CHL1: variants seen among roughly 807,000 people sequenced by gnomAD.
CHL1 encodes neural cell adhesion molecule L1-like protein.
A neutral mutation model predicts 141.9 loss-of-function variants in CHL1; 96 were observed. That is an observed-to-expected ratio of 0.68 (90% CI 0.57 to 0.80). CHL1 has a LOEUF of 0.80. Among genes scored for constraint, CHL1 ranks in the 30% least tolerant of loss-of-function variants. The probability of loss-of-function intolerance (pLI) is 0.00; values close to 1 mark genes in which losing one functional copy is unlikely to be tolerated. For missense variants in CHL1, 1,820 were observed against 1,457.2 expected (o/e 1.25, Z -4.05); for synonymous variants, 613 against 502.2 (o/e 1.22, Z -2.95).
At chr3:256,121 G>GAAGTAAGGAGGTTACATATTCTAAGCA (rs1694137754) in intron 2 of CHL1, among the ~76,000 whole-genome samples, 1 of 152,302 alleles carries the variant, frequency 6.6e-6, no homozygotes, top group South Asian at 2.1e-4. Context: ...TATTCTAAGC[G>GAAGTAAGGAGGTTACATATTCTAAGCA]AAGTAAGGAG....
At chr3:204,811 AT>A (rs201661618) in intron 1 of CHL1, among the ~76,000 whole-genome samples, 1 of 146,740 alleles carries the variant, frequency 6.8e-6, no homozygotes, top group Non-Finnish European at 1.5e-5. Flanking sequence ...TTAAAAAAAA[AT>A]CATAATGTCT....
At chr3:225,805 T>C (rs374325890) in intron 1 of CHL1, among the ~76,000 whole-genome samples, 151 of 152,080 alleles carry the variant, frequency 9.9e-4, no homozygotes, top group Middle Eastern at 6.8e-3. Context: ...GTCAGGAGAT[T>C]GAGGCCATCC....
At chr3:198,173 G>GTTTTTTAAT in intron 1 of CHL1, 1 of 191,956 alleles carries the variant, frequency 5.2e-6, no homozygotes, top group Non-Finnish European at 1.1e-5. Context: ...GGCGGGGAAG[G>GTTTTTTAAT]GGTGGGAGGC....
At chr3:403,393 T>C (rs1398814351) in intron 27 of CHL1, among the ~76,000 whole-genome samples, 1 of 152,238 alleles carries the variant, frequency 6.6e-6, no homozygotes, top group East Asian at 1.9e-4. Flanking sequence ...TTATACAAGA[T>C]ACAAATTCCA....
chr3:382,778 C>G, intron 18 of CHL1, 107 bp downstream of exon 18: 1 of 969,242 alleles, frequency 1.0e-6, no homozygotes, highest in African/African-American at 1.6e-5. Context: ...TTAGATTTCT[C>G]CAAATAGTGT....
chr3:405,604 C>G lies in CHL1; in HGVS notation c.3568C>G (p.Leu1190Val). The G allele has an allele frequency of 6.2e-7, 1 of 1,613,324 alleles. No homozygotes were observed. The highest frequency in any genetic ancestry group is 8.5e-7 in the Non-Finnish European group (1 of 1,179,410). The change falls in exon 28 of 28, where the codon CTC becomes GTC. Residue 1190 changes from leucine to valine, a missense_variant. Coordinates refer to ENST00000256509, the MANE Select transcript of CHL1 (RefSeq NM_006614.4). ...CGAATACGGAGAGGGAGACCATGGT[C>G]TCTTCAGTGAAGATGGATCATTTAT... ...LVEYGEGDHG[L>V]FSEDGSFIGA...
intron 24 of CHL1, among the ~76,000 whole-genome samples, chr3:397,839 A>G (rs1223034502): frequency 6.6e-6 from 1 of 152,124 alleles, no homozygotes; most frequent in Non-Finnish European, 1.5e-5. Flanking sequence ...ATATATAGTT[A>G]GTTACGATTA....
chr3:335,965 C>G lies in CHL1; in HGVS notation c.386-4829C>G, dbSNP rs1701830494. Among the ~76,000 whole-genome samples, 3 of 152,234 alleles carry G rather than the reference C, an allele frequency of 2.0e-5. No homozygotes were observed. In the South Asian group the frequency reaches 6.2e-4, roughly 32 times the overall value. Reference sequence around the variant, plus strand: ...TTGAATAATTTTTAAGTGCTTGCTCCTATTTTAATCGATTCATGTGAAATA... The same window carrying G: ...TTGAATAATTTTTAAGTGCTTGCTCGTATTTTAATCGATTCATGTGAAATA... On this transcript the variant is annotated intron_variant, in intron 5 of 27. Transcript: ENST00000256509.
rs551930942 is a variant in CHL1 at position 236,541 on chromosome 3, T to G, written c.-174-8072T>G. Among the ~76,000 whole-genome samples the G allele has an allele frequency of 1.2e-3, 190 of 152,318 alleles. 1 individual carries two copies. Among genetic ancestry groups the G allele is most frequent in the African/African-American group, 4.4e-3 (182 of 41,574 alleles). Reference sequence around the variant, plus strand: ...TGGCCAAAAATGTGTCTCTCCGTTTTTGGAAGCTATTTATTTCTTTAACAT... The same window carrying G: ...TGGCCAAAAATGTGTCTCTCCGTTTGTGGAAGCTATTTATTTCTTTAACAT... On this transcript the variant is annotated intron_variant, in intron 1 of 27. Coordinates refer to ENST00000256509, the MANE Select transcript of CHL1 (RefSeq NM_006614.4).
chr3:347,081 T>A (rs2125180963), intron 9 of CHL1, among the ~76,000 whole-genome samples: 1 of 152,272 alleles, frequency 6.6e-6, no homozygotes, highest in Non-Finnish European at 1.5e-5. Context: ...AAGGGATATT[T>A]ACCAACAGTA....
intron 2 of CHL1, among the ~76,000 whole-genome samples, chr3:318,298 G>A (rs554796402): frequency 2.6e-5 from 4 of 151,662 alleles, no homozygotes; most frequent in Non-Finnish European, 5.9e-5. Flanking sequence ...ATAATAAAGC[G>A]GAAATACTTA....
chr3:251,964 A>C (rs1223090957), intron 2 of CHL1, among the ~76,000 whole-genome samples: 1 of 152,088 alleles, frequency 6.6e-6, no homozygotes, highest in Non-Finnish European at 1.5e-5. Flanking sequence ...TTCAACTAAA[A>C]ATATCAAGCT....
At chr3:199,688 T>C (rs1698742470) in intron 1 of CHL1, among the ~76,000 whole-genome samples, 2 of 152,188 alleles carry the variant, frequency 1.3e-5, no homozygotes, top group Non-Finnish European at 2.9e-5. Flanking sequence ...ATCACAAAGA[T>C]CCTTAGTGAC....
chr3:310,541 G>A (rs1044715179), intron 2 of CHL1, among the ~76,000 whole-genome samples: 2 of 152,106 alleles, frequency 1.3e-5, no homozygotes, highest in East Asian at 3.9e-4. Flanking sequence ...TATTATTATT[G>A]CTTCCTCTCA....
chr3:296,512 G>A (rs991476335), intron 2 of CHL1, among the ~76,000 whole-genome samples: 24 of 152,046 alleles, frequency 1.6e-4, no homozygotes, highest in African/African-American at 5.5e-4. Flanking sequence ...ACGGTCGTCG[G>A]CACTTTCTAA....
intron 9 of CHL1, among the ~76,000 whole-genome samples, chr3:344,919 T>C (rs1702640460): frequency 6.6e-6 from 1 of 152,034 alleles, no homozygotes; most frequent in Non-Finnish European, 1.5e-5. Flanking sequence ...AGCCCAGGAG[T>C]TGGAGGCTGC....
At chr3:372,522 G>A (rs1401294336) in intron 15 of CHL1, among the ~76,000 whole-genome samples, 1 of 152,044 alleles carries the variant, frequency 6.6e-6, no homozygotes. Context: ...CTTTTATCAA[G>A]GTTCTTAGCT....
intron 5 of CHL1, among the ~76,000 whole-genome samples, chr3:332,538 T>C (rs1701522692): frequency 1.3e-5 from 2 of 152,294 alleles, no homozygotes; most frequent in African/African-American, 4.8e-5. Context: ...TTTTTTTACA[T>C]TTATTCTATA....
At chr3:235,629 A>G (rs1049035979) in intron 1 of CHL1, among the ~76,000 whole-genome samples, 24 of 152,216 alleles carry the variant, frequency 1.6e-4, no homozygotes, top group Non-Finnish European at 1.5e-5. Flanking sequence ...GCTTCTCTAT[A>G]AATTGTTTGC....
Sources: gnomAD v4.1 joint callset for allele counts (sites outside exome capture counted in the v4.1 genomes callset) on GRCh38, gnomAD v4.1.1 for gene constraint, MANE v1.5 for transcripts, NCBI Gene and HGNC (gene_info 2026-07-23, HGNC 2026-07-21) for gene names.